The following CFAP68 variants were observed in gnomAD, a reference collection of about 807,000 sequenced individuals.
CFAP68 encodes cilia and flagella associated protein 68.
chr11:111,879,703 C>G, the CFAP68 span: 1 of 1,345,226 alleles, frequency 7.4e-7, no homozygotes, highest in East Asian at 2.3e-5. Flanking sequence ...TGTGGATGAA[C>G]AAAATGTGGC....
the CFAP68 span, chr11:111,882,364 C>A: frequency 6.2e-7 from 1 of 1,610,184 alleles, no homozygotes; most frequent in South Asian, 1.1e-5. Context: ...TTGTCTTTTC[C>A]CAGAGACAGA....
the CFAP68 span, chr11:111,879,678 A>G: frequency 1.3e-6 from 2 of 1,512,224 alleles, no homozygotes; most frequent in Non-Finnish European, 9.2e-7. Context: ...GGCCACTGTG[A>G]GGGTGGTTAC....
At chr11:111,881,741 G>A in the CFAP68 span, 1 of 1,140,338 alleles carries the variant, frequency 8.8e-7, no homozygotes, top group Non-Finnish European at 1.2e-6. Context: ...CAGATTGATT[G>A]GGAGAACAGG....
the CFAP68 span, among the ~76,000 whole-genome samples, chr11:111,880,424 C>T: frequency 6.6e-6 from 1 of 152,304 alleles, no homozygotes; most frequent in South Asian, 2.1e-4. Context: ...GCACAAGATA[C>T]AGGTCATAAA....
At chr11:111,881,625 TC>T in the CFAP68 span, 1 of 1,523,980 alleles carries the variant, frequency 6.6e-7, no homozygotes, top group East Asian at 2.5e-5. Flanking sequence ...GGTATCATCT[TC>T]CTAAGTCAGG....
the CFAP68 span, chr11:111,881,188 G>C: frequency 7.8e-7 from 1 of 1,288,272 alleles, no homozygotes; most frequent in Non-Finnish European, 9.8e-7. Flanking sequence ...CAACTGAGTG[G>C]ATGGTGATGT....
chr11:111,882,608 C>CT, the CFAP68 span: 1 of 1,545,492 alleles, frequency 6.5e-7, no homozygotes, highest in East Asian at 2.3e-5. Context: ...GGTAATCTAA[C>CT]TTTGTCTTTT....
the CFAP68 span, chr11:111,881,171 G>C: frequency 3.2e-6 from 4 of 1,257,116 alleles, no homozygotes; most frequent in East Asian, 1.5e-4. Context: ...CAGGCTTCTG[G>C]CTTGGACAAC....
the CFAP68 span, chr11:111,881,519 G>A: frequency 6.5e-7 from 1 of 1,536,050 alleles, no homozygotes; most frequent in Non-Finnish European, 8.7e-7. Flanking sequence ...CATCTTTAAA[G>A]AACATGGAAC....
At chr11:111,884,370 A>G in the CFAP68 span, 1 of 150,532 alleles carries the variant, frequency 6.6e-6, no homozygotes, top group African/African-American at 2.5e-5. Context: ...GCTACTCAGG[A>G]GGCTGAGGCA....
chr11:111,881,229 C>T, the CFAP68 span: 1 of 1,363,490 alleles, frequency 7.3e-7, no homozygotes. Context: ...ACAGTTACAC[C>T]TAGATCTCCA....
At chr11:111,882,394 A>G in the CFAP68 span, 60 of 1,613,932 alleles carry the variant, frequency 3.7e-5, no homozygotes, top group Non-Finnish European at 5.1e-5. Context: ...GTTTCCTCAC[A>G]AACCCACACT....
At chr11:111,880,559 C>CAAATGCCAA in the CFAP68 span, among the ~76,000 whole-genome samples, 1 of 152,180 alleles carries the variant, frequency 6.6e-6, no homozygotes, top group African/African-American at 2.4e-5. Flanking sequence ...TGACAGTTTA[C>CAAATGCCAA]AAATGCCATG....
chr11:111,880,094 G>A, the CFAP68 span, among the ~76,000 whole-genome samples: 4 of 152,126 alleles, frequency 2.6e-5, no homozygotes, highest in Admixed American at 6.5e-5. Flanking sequence ...TTACAAATGG[G>A]GGTACAGGTA....
chr11:111,880,544 C>T, the CFAP68 span, among the ~76,000 whole-genome samples: 4 of 152,140 alleles, frequency 2.6e-5, 1 homozygote, highest in Middle Eastern at 6.3e-3. Flanking sequence ...CTCCCACCAG[C>T]GCCATGACAG....
the CFAP68 span, chr11:111,883,897 G>A: frequency 6.7e-7 from 1 of 1,502,710 alleles, no homozygotes; most frequent in South Asian, 1.1e-5. Flanking sequence ...CATCACTCAG[G>A]ATGTGTATAA....
chr11:111,879,565 C>T, the CFAP68 span: 11 of 1,614,032 alleles, frequency 6.8e-6, no homozygotes, highest in South Asian at 5.5e-5. Context: ...TCTGAAATGG[C>T]TGCCTCCCAG....
At chr11:111,879,727 G>A in the CFAP68 span, 1 of 1,095,558 alleles carries the variant, frequency 9.1e-7, no homozygotes, top group Non-Finnish European at 1.4e-6. Context: ...TGATTTCAAT[G>A]AGCCTGCAGT....
At chr11:111,880,735 C>G in the CFAP68 span, 5 of 455,612 alleles carry the variant, frequency 1.1e-5, no homozygotes, top group South Asian at 7.8e-5. Context: ...TCTTAATAAA[C>G]TTCCTTATGC....
Sources: allele counts gnomAD v4.1 joint callset (sites outside exome capture counted in the v4.1 genomes callset), GRCh38; gene constraint gnomAD v4.1.1; transcripts MANE v1.5; gene names NCBI Gene and HGNC (gene_info 2026-07-23, HGNC 2026-07-21).